The following GMDS variants were observed in gnomAD, a reference collection of about 807,000 sequenced individuals.
GMDS encodes GDP-mannose 4,6-dehydratase.
GMDS carries 20 observed loss-of-function variants against 49.9 expected under a neutral mutation model. The observed-to-expected ratio is 0.40, with a 90% CI of 0.28 to 0.58. The LOEUF (loss-of-function observed/expected upper bound fraction) is 0.58, where lower values mean the gene tolerates loss of function less well. GMDS is among the 20% of genes least tolerant of loss of function. GMDS has a pLI of 0.42. For synonymous variants in GMDS, 177 were observed against 178.6 expected (o/e 0.99, Z 0.07); for missense variants, 362 against 481.4 (o/e 0.75, Z 2.32).
intron 9 of GMDS, among the ~76,000 whole-genome samples, chr6:1,647,030 A>G (rs1763507087): frequency 6.6e-6 from 1 of 152,068 alleles, no homozygotes; most frequent in South Asian, 2.1e-4. Flanking sequence ...GCTAGGGAGG[A>G]AGGATGGCGG....
chr6:1,841,353 A>T (rs1323001541), intron 7 of GMDS, among the ~76,000 whole-genome samples: 1 of 152,226 alleles, frequency 6.6e-6, no homozygotes, highest in African/African-American at 2.4e-5. Flanking sequence ...AGCATATTTT[A>T]GTCCTTTGTA....
chr6:1,794,144 A>G (rs1769648610), intron 7 of GMDS, among the ~76,000 whole-genome samples: 1 of 152,226 alleles, frequency 6.6e-6, no homozygotes, highest in South Asian at 2.1e-4. Flanking sequence ...AAATGAATTT[A>G]CTGGCCACTT....
intron 7 of GMDS, among the ~76,000 whole-genome samples, chr6:1,804,206 A>C (rs1770069911): frequency 6.6e-6 from 1 of 152,206 alleles, no homozygotes; most frequent in Non-Finnish European, 1.5e-5. Context: ...TTGATTTGTA[A>C]ATTCATTTGC....
chr6:1,670,373 T>G (rs1170346588), intron 9 of GMDS, among the ~76,000 whole-genome samples: 1 of 151,060 alleles, frequency 6.6e-6, no homozygotes, highest in Non-Finnish European at 1.5e-5. Context: ...TTTTTTGGTT[T>G]TTTTTTTTTT....
intron 9 of GMDS, among the ~76,000 whole-genome samples, chr6:1,719,618 T>A: frequency 1.3e-5 from 1 of 78,764 alleles, no homozygotes; most frequent in Admixed American, 1.5e-4. Flanking sequence ...ACTGCTGATT[T>A]GTTTAAAAAA....
At chr6:2,224,061 G>GTT (rs1780714095) in intron 1 of GMDS, among the ~76,000 whole-genome samples, 1 of 152,232 alleles carries the variant, frequency 6.6e-6, no homozygotes, top group African/African-American at 2.4e-5. Flanking sequence ...AACAAAGCAA[G>GTT]TAAGACAAGG....
intron 7 of GMDS, among the ~76,000 whole-genome samples, chr6:1,783,462 T>C (rs2113616399): frequency 6.6e-6 from 1 of 152,328 alleles, no homozygotes; most frequent in East Asian, 1.9e-4. Flanking sequence ...GTATCCCTAA[T>C]GCCTGACTCA....
At chr6:2,174,335 G>C (rs574314438) in intron 1 of GMDS, among the ~76,000 whole-genome samples, 1 of 152,230 alleles carries the variant, frequency 6.6e-6, no homozygotes, top group Non-Finnish European at 1.5e-5. Context: ...TTCAGGTCTC[G>C]CATAGAAAAG....
intron 7 of GMDS, among the ~76,000 whole-genome samples, chr6:1,765,588 G>C (rs530468982): frequency 4.3e-4 from 66 of 152,242 alleles, no homozygotes; most frequent in Non-Finnish European, 7.6e-4. Context: ...TTTACAGATG[G>C]AGAAACTGAG....
At chr6:1,699,144 G>A (rs938674005) in intron 9 of GMDS, among the ~76,000 whole-genome samples, 15 of 152,012 alleles carry the variant, frequency 9.9e-5, no homozygotes, top group African/African-American at 2.7e-4. Context: ...AGAGCCACAC[G>A]GTGTAGCCTT....
chr6:1,905,806 T>G (rs13211567), intron 7 of GMDS, among the ~76,000 whole-genome samples: 436 of 50,676 alleles, frequency 8.6e-3, no homozygotes, highest in Middle Eastern at 0.014. Flanking sequence ...GGGTGCTGGC[T>G]TGTAGGTGGG....
At chr6:2,083,324 C>A (rs1354756259) in intron 4 of GMDS, among the ~76,000 whole-genome samples, 1 of 152,190 alleles carries the variant, frequency 6.6e-6, no homozygotes, top group Non-Finnish European at 1.5e-5. Context: ...AACAGCAAAT[C>A]TTCCATCTAA....
chr6:1,960,673 C>T (rs1367955155), intron 5 of GMDS, 101 bp downstream of exon 5: 22 of 715,926 alleles, frequency 3.1e-5, no homozygotes, highest in Non-Finnish European at 4.3e-5. Flanking sequence ...ACCCAAATGA[C>T]TTCAGCTGTG....
At chr6:1,956,197 G>C (rs780950646) in intron 6 of GMDS, among the ~76,000 whole-genome samples, 2 of 152,116 alleles carry the variant, frequency 1.3e-5, no homozygotes, top group Non-Finnish European at 2.9e-5. Context: ...TCTACAGCTG[G>C]GGCCAGCAAA....
At chr6:1,926,413 C>T (rs1762010400) in intron 7 of GMDS, among the ~76,000 whole-genome samples, 1 of 152,162 alleles carries the variant, frequency 6.6e-6, no homozygotes, top group Admixed American at 6.5e-5. Context: ...AGCAGTGGGG[C>T]ACTGAGGAAG....
chr6:1,800,147 C>T (rs899967528), intron 7 of GMDS, among the ~76,000 whole-genome samples: 5 of 152,046 alleles, frequency 3.3e-5, no homozygotes, highest in Non-Finnish European at 4.4e-5. Context: ...GAAATTCTTC[C>T]TTCTCGACAA....
chr6:1,839,408 G>C (rs749106239), intron 7 of GMDS, among the ~76,000 whole-genome samples: 3 of 152,164 alleles, frequency 2.0e-5, no homozygotes, highest in Admixed American at 6.5e-5. Context: ...ACCTCTGTAA[G>C]GTGGTAATCC....
intron 8 of GMDS, among the ~76,000 whole-genome samples, chr6:1,737,048 G>C (rs776811482): frequency 1.2e-4 from 19 of 152,200 alleles, no homozygotes; most frequent in Non-Finnish European, 2.2e-4. Context: ...TCAGGAAACA[G>C]TGTCAAATGA....
intron 1 of GMDS, among the ~76,000 whole-genome samples, chr6:2,206,056 C>A (rs1023443660): frequency 6.6e-6 from 1 of 152,068 alleles, no homozygotes; most frequent in Non-Finnish European, 1.5e-5. Flanking sequence ...GTCAGGAGTT[C>A]GAGACCAGCC....
Sources: gnomAD v4.1 joint callset for allele counts (sites outside exome capture counted in the v4.1 genomes callset) on GRCh38, gnomAD v4.1.1 for gene constraint, MANE v1.5 for transcripts, NCBI Gene and HGNC (gene_info 2026-07-23, HGNC 2026-07-21) for gene names.